BMPR2: variants seen among roughly 807,000 people sequenced by gnomAD.
BMPR2 encodes bone morphogenetic protein receptor type 2.
Under a neutral mutation model 100.8 loss-of-function variants are expected in BMPR2, and 29 were observed. The ratio of observed to expected loss-of-function variants is 0.29; its 90% CI spans 0.21 to 0.39. The LOEUF (loss-of-function observed/expected upper bound fraction) is 0.39. Among genes scored for constraint, BMPR2 ranks in the 10% least tolerant of loss-of-function variants. BMPR2 has a pLI of 1.00. For missense variants in BMPR2, 1,011 were observed against 1,274.5 expected, an observed-to-expected ratio of 0.79 and a Z score of 3.15; for synonymous variants, 382 against 442.3, an observed-to-expected ratio of 0.86 and a Z score of 1.71.
intron 1 of BMPR2, among the ~76,000 whole-genome samples, chr2:202,448,072 C>T (rs1412133521): frequency 6.7e-6 from 1 of 150,222 alleles, no homozygotes; most frequent in African/African-American, 2.5e-5. Context: ...TGGGCACTGT[C>T]TTATTCCCAG....
chr2:202,475,934 CG>C (rs1461399194), intron 3 of BMPR2, among the ~76,000 whole-genome samples: 2 of 151,816 alleles, frequency 1.3e-5, no homozygotes, highest in Middle Eastern at 3.2e-3. Flanking sequence ...ATTAGCCGGG[CG>C]TGGTGGCACA....
chr2:202,559,848 A>C lies in BMPR2; in HGVS notation c.3019A>C (p.Arg1007=). The change falls in exon 13 of 13, where the codon AGG becomes CGG. Residue 1007 remains arginine, a synonymous_variant. Transcript: ENST00000374580. ...TGAAGTCAACAATAATGGCAGTAAC[A>C]GGGCAGTTCATTCCAAATCCAGCAC... ...DCEVNNNGSN[R]AVHSKSSTAV... The C allele has an allele frequency of 6.2e-7, 1 of 1,614,188 alleles. No homozygotes were observed. Among genetic ancestry groups the C allele is most frequent in the Non-Finnish European group, 8.5e-7 (1 of 1,180,044 alleles).
At chr2:202,421,166 G>A (rs904097687) in intron 1 of BMPR2, among the ~76,000 whole-genome samples, 20 of 151,912 alleles carry the variant, frequency 1.3e-4, no homozygotes, top group South Asian at 8.3e-4. Context: ...CAGGAGAATC[G>A]CTTGAACCCA....
chr2:202,404,685 GT>G (rs1234812793), intron 1 of BMPR2, among the ~76,000 whole-genome samples: 1 of 152,156 alleles, frequency 6.6e-6, no homozygotes, highest in Non-Finnish European at 1.5e-5. Flanking sequence ...ATTAGGTTGG[GT>G]ATATTGGGTG....
At chr2:202,516,235 G>T (rs543297356) in intron 5 of BMPR2, among the ~76,000 whole-genome samples, 2 of 152,120 alleles carry the variant, frequency 1.3e-5, no homozygotes, top group Non-Finnish European at 2.9e-5. Context: ...ATAAAAAATT[G>T]TAAGAACTTT....
chr2:202,462,785 T>C (rs760608404), intron 1 of BMPR2, among the ~76,000 whole-genome samples: 2 of 152,050 alleles, frequency 1.3e-5, no homozygotes, highest in Non-Finnish European at 2.9e-5. Context: ...CGATCTCAGC[T>C]CACTGCAACC....
At position 202,389,859 on chromosome 2, in the gene BMPR2, C is replaced by T. The variant is rs144198415; in HGVS notation, c.76+12309C>T. Among the ~76,000 whole-genome samples the T allele has an allele frequency of 6.0e-3, 908 of 151,974 alleles. 15 individuals are homozygous for T. Among genetic ancestry groups the T allele is most frequent in the African/African-American group, 0.021 (865 of 41,464 alleles). On this transcript the variant is annotated intron_variant, in intron 1 of 12. Coordinates refer to ENST00000374580, the MANE Select transcript of BMPR2 (RefSeq NM_001204.7). The stretch of plus-strand genomic sequence containing the variant: ...TTTTCCATGTTGGTCAGGCTGGTCT[C>T]GAACTCCTGACCTCAGGTGATCCGC...
chr2:202,456,513 CTTTCTTT>C (rs1423084937), intron 1 of BMPR2, among the ~76,000 whole-genome samples: 2 of 132,948 alleles, frequency 1.5e-5, no homozygotes, highest in Admixed American at 7.7e-5. Flanking sequence ...TTCTTTCTTT[CTTTCTTT>C]TTTTTTTTTT....
intron 1 of BMPR2, among the ~76,000 whole-genome samples, chr2:202,384,530 C>CTTTT (rs1426768146): frequency 9.3e-6 from 1 of 107,602 alleles, no homozygotes; most frequent in Non-Finnish European, 1.8e-5. Context: ...TTCTTTCTTT[C>CTTTT]TCTTTCTTTC....
intron 3 of BMPR2, among the ~76,000 whole-genome samples, chr2:202,494,863 G>A (rs1175608685): frequency 2.0e-5 from 3 of 152,152 alleles, no homozygotes; most frequent in African/African-American, 7.2e-5. Context: ...ATGTGACAGA[G>A]GCTTGGAAAG....
At chr2:202,476,554 C>T (rs753675077) in intron 3 of BMPR2, among the ~76,000 whole-genome samples, 18 of 151,932 alleles carry the variant, frequency 1.2e-4, no homozygotes, top group African/African-American at 3.4e-4. Context: ...TTGGGGAGGC[C>T]GAGGCGGGTG....
chr2:202,517,571 C>T lies in BMPR2; in HGVS notation c.622-1251C>T, dbSNP rs543936319. Among the ~76,000 whole-genome samples the T allele has an allele frequency of 8.6e-4, 131 of 152,064 alleles. 1 individual carries two copies. The highest frequency in any genetic ancestry group is 3.1e-3 in the African/African-American group (127 of 41,510). ...TTTACTGTGTTGGCCAGGCTGGTCT[C>T]AAACTCCTGACCTCGTGATCCACCC... On this transcript the variant is annotated intron_variant, in intron 5 of 12. Coordinates refer to ENST00000374580, the MANE Select transcript of BMPR2 (RefSeq NM_001204.7).
chr2:202,425,384 T>C (rs1007043439), intron 1 of BMPR2, among the ~76,000 whole-genome samples: 1 of 152,218 alleles, frequency 6.6e-6, no homozygotes, highest in Non-Finnish European at 1.5e-5. Context: ...AGCCGATTGG[T>C]TACAGCTTGG....
chr2:202,393,250 G>GC (rs999753929), intron 1 of BMPR2, among the ~76,000 whole-genome samples: 1 of 152,116 alleles, frequency 6.6e-6, no homozygotes, highest in African/African-American at 2.4e-5. Flanking sequence ...AATAATGGTA[G>GC]CAAGAGATAA....
intron 3 of BMPR2, among the ~76,000 whole-genome samples, chr2:202,510,639 T>C (rs1361076571): frequency 6.6e-6 from 1 of 152,216 alleles, no homozygotes; most frequent in Non-Finnish European, 1.5e-5. Flanking sequence ...CTTTTAGGTT[T>C]AGCAAATTCT....
intron 1 of BMPR2, among the ~76,000 whole-genome samples, chr2:202,412,750 TTATG>T (rs1302170915): frequency 1.3e-5 from 2 of 152,244 alleles, no homozygotes; most frequent in Non-Finnish European, 1.5e-5. Context: ...ATACTAGAGT[TTATG>T]TAATCATTAA....
intron 3 of BMPR2, among the ~76,000 whole-genome samples, chr2:202,494,302 G>A (rs745919672): frequency 6.6e-6 from 1 of 152,198 alleles, no homozygotes; most frequent in Non-Finnish European, 1.5e-5. Context: ...TCTACACAGT[G>A]GTAAAAGATT....
chr2:202,413,221 G>A (rs1346496346), intron 1 of BMPR2, among the ~76,000 whole-genome samples: 1 of 152,062 alleles, frequency 6.6e-6, no homozygotes, highest in Admixed American at 6.6e-5. Flanking sequence ...GCTTTTTGCT[G>A]GTGATTTCAC....
At chr2:202,445,560 T>C (rs946093044) in intron 1 of BMPR2, among the ~76,000 whole-genome samples, 2 of 149,632 alleles carry the variant, frequency 1.3e-5, no homozygotes, top group Non-Finnish European at 2.9e-5. Flanking sequence ...TCCAAACCAT[T>C]CTCTGTAGTA....
Sources: gnomAD v4.1 joint callset for allele counts (sites outside exome capture counted in the v4.1 genomes callset) on GRCh38, gnomAD v4.1.1 for gene constraint, MANE v1.5 for transcripts, NCBI Gene and HGNC (gene_info 2026-07-23, HGNC 2026-07-21) for gene names.